CAMSAP1: variants seen among roughly 807,000 people sequenced by gnomAD.
CAMSAP1 encodes calmodulin-regulated spectrin-associated protein 1.
Under a neutral mutation model 143.5 loss-of-function variants are expected in CAMSAP1, and 58 were observed. The observed-to-expected ratio is 0.40, with a 90% CI of 0.33 to 0.50. The LOEUF is 0.50. Among genes scored for constraint, CAMSAP1 ranks in the 20% least tolerant of loss-of-function variants. The probability of loss-of-function intolerance (pLI) is 0.45; values close to 1 mark genes in which losing one functional copy is unlikely to be tolerated. For synonymous variants in CAMSAP1, 945 were observed against 859.3 expected, an observed-to-expected ratio of 1.10 and a Z score of -1.74; for missense variants, 1,969 against 2,115.7, an observed-to-expected ratio of 0.93 and a Z score of 1.36.
Position 135,882,800 on chromosome 9 carries a change from AC to A in CAMSAP1, c.423+15del. On this transcript the variant is annotated intron_variant, in intron 2 of 16. Coordinates refer to ENST00000389532, the MANE Select transcript of CAMSAP1 (RefSeq NM_015447.4). The surrounding 1 kb of genome is among the most constrained non-coding windows in gnomAD (Gnocchi z 4.9). ...CAGAGGATGGCCCCTGGGGGCGGCC[AC>A]CGCAGACCACTCACCATTTTTATGG... 1 of 1,543,870 alleles carries A rather than the reference AC, an allele frequency of 6.5e-7. No homozygotes were observed. Among genetic ancestry groups the A allele is most frequent in the Non-Finnish European group, 8.7e-7 (1 of 1,143,408 alleles).
In CAMSAP1 at chr9:135,891,975, G is replaced by A. The variant is rs1164977; in HGVS notation, c.161-8897C>T. The stretch of plus-strand genomic sequence containing the variant: ...GAATATGAAAATAGATCAATAGAAA[G>A]AATCCAATCTGAAGAACAGAGAGAA... On this transcript the variant is annotated intron_variant, in intron 1 of 16. Coordinates refer to ENST00000389532, the MANE Select transcript of CAMSAP1 (RefSeq NM_015447.4). Among the ~76,000 whole-genome samples the A allele has an allele frequency of 2.7e-3, 407 of 152,276 alleles. 2 individuals carry two copies. The highest frequency in any genetic ancestry group is 0.01 in the Middle Eastern group (3 of 294).
chr9:135,853,665 T>A (rs1337204101), intron 5 of CAMSAP1, among the ~76,000 whole-genome samples: 2 of 152,346 alleles, frequency 1.3e-5, no homozygotes, highest in East Asian at 1.9e-4. Context: ...AGTTCTCACA[T>A]GACAAGAGAA....
At chr9:135,869,373 C>A (rs913879592) in intron 3 of CAMSAP1, among the ~76,000 whole-genome samples, 1 of 151,952 alleles carries the variant, frequency 6.6e-6, no homozygotes, top group Non-Finnish European at 1.5e-5. Context: ...TGTGGTGGCT[C>A]ACACCTGTAA....
At chr9:135,860,324 G>A (rs560714801) in intron 5 of CAMSAP1, among the ~76,000 whole-genome samples, 13 of 152,092 alleles carry the variant, frequency 8.5e-5, no homozygotes, top group African/African-American at 2.2e-4. Flanking sequence ...ATGGCCAGGC[G>A]CGGTGGCTCA....
intron 1 of CAMSAP1, among the ~76,000 whole-genome samples, chr9:135,902,051 G>A (rs1242905002): frequency 6.6e-6 from 1 of 152,086 alleles, no homozygotes; most frequent in East Asian, 1.9e-4. Flanking sequence ...CATAATCCCT[G>A]GCCTCACAGA....
At chr9:135,898,377 G>T (rs1253101581) in intron 1 of CAMSAP1, among the ~76,000 whole-genome samples, 2 of 152,142 alleles carry the variant, frequency 1.3e-5, no homozygotes, top group Admixed American at 1.3e-4. Context: ...AGGCGTGGTG[G>T]CTCCCGCCTG....
At chr9:135,846,829 T>G (rs905561468) in intron 7 of CAMSAP1, among the ~76,000 whole-genome samples, 1 of 151,890 alleles carries the variant, frequency 6.6e-6, no homozygotes. Context: ...AAAACCACAA[T>G]GAGATACCAT....
chr9:135,817,220 G>C (rs533989238), intron 14 of CAMSAP1, among the ~76,000 whole-genome samples: 1 of 152,146 alleles, frequency 6.6e-6, no homozygotes, highest in African/African-American at 2.4e-5. Flanking sequence ...CAGTTGTCAG[G>C]GACACTCTTG....
At chr9:135,872,880 C>G (rs150126121) in intron 3 of CAMSAP1, among the ~76,000 whole-genome samples, 1 of 152,136 alleles carries the variant, frequency 6.6e-6, no homozygotes, top group Non-Finnish European at 1.5e-5. Context: ...AACCAAATGG[C>G]GGGTTACAAG....
chr9:135,879,079 G>A (rs996403779), intron 3 of CAMSAP1, among the ~76,000 whole-genome samples: 1 of 152,154 alleles, frequency 6.6e-6, no homozygotes, highest in African/African-American at 2.4e-5. Context: ...CAATGCAACC[G>A]CAGGGGAATG....
rs909757748 is a variant in CAMSAP1, at chr9:135,809,182, A to C, written c.*2127T>G. ...GTCTGAAACTTTTCAAGACTAATTA[A>C]AAGGGTTGCTGTGTCCAAGCATGAA... On this transcript the variant is annotated 3_prime_UTR_variant, in exon 17 of 17. Coordinates refer to ENST00000389532, the MANE Select transcript of CAMSAP1 (RefSeq NM_015447.4). 2.0e-5 allele frequency: 3 copies of C among 152,216 alleles called. No individual in the cohort carries two copies. Among genetic ancestry groups the C allele is most frequent in the Non-Finnish European group, 4.4e-5 (3 of 68,040 alleles). 9.4% of individuals were successfully genotyped at this position (152,216 alleles called of 1,614,324 possible).
chr9:135,821,959 G>T lies in CAMSAP1; in HGVS notation c.2702C>A (p.Ala901Glu), dbSNP rs371158714. 10 of 1,612,410 alleles carry T rather than the reference G, an allele frequency of 6.2e-6. No homozygotes were observed. The highest frequency in any genetic ancestry group is 1.3e-5 in the African/African-American group (1 of 74,800). The change falls in exon 11 of 17, where the codon GCG becomes GAG. Residue 901 changes from alanine to glutamate, a missense_variant. Transcript: ENST00000389532. This position sits in a 1 kb window ranked among gnomAD's most constrained non-coding sequence, Gnocchi z 4.6. ...CTTCAGGCGCTGCCTTGCCGACAGC[G>T]CCTCCATCTTCTTCTTCTGGGCCTC... ...AIEAQKKKME[A>E]LSARQRLKLG... is the part of the protein sequence containing the mutation.
rs1454393595 is a variant in CAMSAP1, at chr9:135,817,979, C to G, written c.4269G>C (p.Gln1423His). The change falls in exon 14 of 17, where the codon CAG (glutamine) becomes CAC (histidine). Residue 1423 changes from glutamine to histidine, a missense_variant and splice_region_variant. Gln to His is a conservative substitution (Grantham distance 24, BLOSUM62 0). Around this residue, in one of 4 missense-constraint regions of CAMSAP1, gnomAD observed 1,390 missense variants for 1,420.8 expected, o/e 0.98. Transcript: ENST00000389532. ...ESVHSGGTPSQRVESMEALPI... is the reference protein window; with the variant it reads ...ESVHSGGTPSHRVESMEALPI... ...GGCGGCCGTCTCAGGCCCCTTACCG[C>G]TGAGAGGGTGTGCCCCCGGAATGAA... 6.2e-7 allele frequency: 1 copy of G among 1,613,772 alleles called. No individual in the cohort carries two copies. The highest frequency in any genetic ancestry group is 1.3e-5 in the African/African-American group (1 of 74,942).
chr9:135,817,146 AC>A, intron 14 of CAMSAP1, among the ~76,000 whole-genome samples: 1 of 152,350 alleles, frequency 6.6e-6, no homozygotes, highest in Admixed American at 6.5e-5. Flanking sequence ...GAAGGAGACT[AC>A]AGGGACATGG....
chr9:135,865,510 T>C, intron 4 of CAMSAP1: 1 of 698,910 alleles, frequency 1.4e-6, no homozygotes, highest in Non-Finnish European at 2.4e-6. Flanking sequence ...TAAGTGTACG[T>C]GGCCATAGTC....
intron 1 of CAMSAP1, 95 bp from the exon 2 acceptor site, chr9:135,883,173 T>C: frequency 7.3e-7 from 1 of 1,378,572 alleles, no homozygotes; most frequent in Non-Finnish European, 9.8e-7. Flanking sequence ...GCCACTGTAC[T>C]CCAGCCTGGG....
At chr9:135,900,278 C>T (rs1352205770) in intron 1 of CAMSAP1, among the ~76,000 whole-genome samples, 1 of 152,178 alleles carries the variant, frequency 6.6e-6, no homozygotes, top group Non-Finnish European at 1.5e-5. Context: ...CGACCTCAGC[C>T]TCCCAAAGTG....
At chr9:135,906,486 A>G (rs1838780330) in intron 1 of CAMSAP1, among the ~76,000 whole-genome samples, 1 of 152,260 alleles carries the variant, frequency 6.6e-6, no homozygotes, top group Non-Finnish European at 1.5e-5. Context: ...AATTAACCAA[A>G]GGGGATCATT....
chr9:135,886,537 G>A (rs1838128610), intron 1 of CAMSAP1, among the ~76,000 whole-genome samples: 1 of 152,240 alleles, frequency 6.6e-6, no homozygotes, highest in Admixed American at 6.5e-5. Flanking sequence ...CAAACTGGAT[G>A]TTTCATTCAT....
Sources: allele counts gnomAD v4.1 joint callset (sites outside exome capture counted in the v4.1 genomes callset), GRCh38; gene constraint gnomAD v4.1.1; regional missense constraint gnomAD v4.1.1; non-coding constraint Gnocchi (gnomAD v3.1); transcripts MANE v1.5; gene names NCBI Gene and HGNC (gene_info 2026-07-23, HGNC 2026-07-21).